Variants in DMD observed in about 807,000 individuals in gnomAD.
The protein encoded by DMD is mutant dystrophin.
Under a neutral mutation model 330.1 loss-of-function variants are expected in DMD, and 63 were observed. The observed-to-expected ratio is 0.19, with a 90% confidence interval of 0.16 to 0.24. The LOEUF is 0.24. Among genes scored for constraint, DMD ranks in the 10% least tolerant of loss-of-function variants. DMD has a pLI of 1.00. For synonymous variants in DMD, 1,223 were observed against 959.8 expected, an observed-to-expected ratio of 1.27 and a Z score of -5.07; for missense variants, 3,344 against 2,684.1, an observed-to-expected ratio of 1.25 and a Z score of -5.43.
chrX:32,340,747 G>A (rs1369307394), intron 41 of DMD, among the ~76,000 whole-genome samples: 2 of 111,749 alleles, frequency 1.8e-5, no homozygotes, highest in East Asian at 2.8e-4. Context: ...GCTTCATTTT[G>A]CATCTGCAGA....
intron 7 of DMD, among the ~76,000 whole-genome samples, chrX:32,715,286 GGCCAACATGGTAAAA>G (rs2065583697): frequency 9.1e-6 from 1 of 109,431 alleles, no homozygotes; most frequent in Non-Finnish European, 1.9e-5. Flanking sequence ...AGACCATCCT[GGCCAACATGGTAAAA>G]GCCAATCACT....
intron 17 of DMD, among the ~76,000 whole-genome samples, chrX:32,524,714 C>T (rs759759313): frequency 8.9e-6 from 1 of 112,106 alleles, no homozygotes; most frequent in African/African-American, 3.2e-5. Flanking sequence ...TCTGATAATT[C>T]AAATCAATTC....
At chrX:32,556,711 T>C (rs1186859472) in intron 16 of DMD, among the ~76,000 whole-genome samples, 3 of 111,906 alleles carry the variant, frequency 2.7e-5, no homozygotes, top group Non-Finnish European at 3.8e-5. Context: ...AACAGGCTAA[T>C]AAATTTTCCT....
chrX:32,327,247 C>A (rs909781506), intron 41 of DMD, among the ~76,000 whole-genome samples: 1 of 108,568 alleles, frequency 9.2e-6, no homozygotes, highest in African/African-American at 3.3e-5. Flanking sequence ...TTAATCAAAG[C>A]AAAATTTTTA....
chrX:32,975,191 T>G (rs1470897347), intron 2 of DMD, among the ~76,000 whole-genome samples: 2 of 110,636 alleles, frequency 1.8e-5, no homozygotes, highest in Admixed American at 2.0e-4. Context: ...TTTGCTTGTT[T>G]GCTTGCCCAA....
intron 34 of DMD, among the ~76,000 whole-genome samples, chrX:32,378,007 T>C (rs2097910658): frequency 9.0e-6 from 1 of 111,163 alleles, no homozygotes; most frequent in African/African-American, 3.3e-5. Context: ...AAAATAAACA[T>C]TCTTATTGTT....
intron 55 of DMD, among the ~76,000 whole-genome samples, chrX:31,587,790 G>T (rs1365481541): frequency 9.0e-6 from 1 of 111,462 alleles, no homozygotes; most frequent in Non-Finnish European, 1.9e-5. Context: ...ATTATCATTT[G>T]ACTGTAGATA....
At chrX:31,778,904 T>A (rs2090846857) in intron 50 of DMD, among the ~76,000 whole-genome samples, 1 of 112,015 alleles carries the variant, frequency 8.9e-6, no homozygotes, top group Admixed American at 9.5e-5. Flanking sequence ...TCACATTGAT[T>A]CTTACTGCAC....
At chrX:31,449,795 T>TATATATATATAG (rs1556643941) in intron 59 of DMD, among the ~76,000 whole-genome samples, 10 of 81,275 alleles carry the variant, frequency 1.2e-4, no homozygotes, top group East Asian at 4.0e-4. Flanking sequence ...TATATATATA[T>TATATATATATAG]ATAGATAGAT....
chrX:32,278,456 G>A (rs900223786), intron 43 of DMD, among the ~76,000 whole-genome samples: 1 of 110,708 alleles, frequency 9.0e-6, no homozygotes, highest in South Asian at 3.8e-4. Context: ...CTACAAAATG[G>A]GAGAAAATTT....
intron 2 of DMD, among the ~76,000 whole-genome samples, chrX:32,850,271 G>A (rs545262150): frequency 9.0e-6 from 1 of 111,612 alleles, no homozygotes; most frequent in African/African-American, 3.3e-5. Flanking sequence ...AAACATGCTT[G>A]CTGTGCATAC....
At chrX:31,216,484 C>T (rs1569475869) in intron 64 of DMD, among the ~76,000 whole-genome samples, 1 of 112,398 alleles carries the variant, frequency 8.9e-6, no homozygotes, top group Non-Finnish European at 1.9e-5. Context: ...ACGTCTTAAA[C>T]TCAGAACTAA....
intron 7 of DMD, among the ~76,000 whole-genome samples, chrX:32,713,833 T>C (rs1006718201): frequency 9.0e-6 from 1 of 111,725 alleles, no homozygotes; most frequent in Non-Finnish European, 1.9e-5. Flanking sequence ...AATAAACCCA[T>C]TGTCCATAGA....
intron 1 of DMD, among the ~76,000 whole-genome samples, chrX:33,048,719 G>T (rs1275241244): frequency 1.2e-4 from 8 of 67,493 alleles, no homozygotes; most frequent in Admixed American, 6.2e-4. Context: ...AAAAAAAAAA[G>T]GAGAGAGAGA....
At chrX:32,240,865 A>C (rs2097205993) in intron 43 of DMD, among the ~76,000 whole-genome samples, 1 of 111,410 alleles carries the variant, frequency 9.0e-6, no homozygotes, top group Admixed American at 9.5e-5. Flanking sequence ...TGAGCTGGGG[A>C]CATGAAATGT....
At chrX:32,742,800 G>A (rs1377596591) in intron 7 of DMD, among the ~76,000 whole-genome samples, 11 of 111,978 alleles carry the variant, frequency 9.8e-5, no homozygotes, top group Middle Eastern at 4.6e-3. Flanking sequence ...TAATCTTTTC[G>A]AAATTTTCAT....
At chrX:33,299,550 G>A (rs1193503153) in intron 1 of DMD, among the ~76,000 whole-genome samples, 1 of 111,506 alleles carries the variant, frequency 9.0e-6, no homozygotes, top group Non-Finnish European at 1.9e-5. Flanking sequence ...CTAGGTAGTT[G>A]CTTCAGTTCT....
At chrX:32,859,907 G>A (rs988313858) in intron 2 of DMD, among the ~76,000 whole-genome samples, 1 of 111,055 alleles carries the variant, frequency 9.0e-6, no homozygotes, top group African/African-American at 3.3e-5. Flanking sequence ...TCCTCCTTGG[G>A]CCAGGCGACC....
At chrX:32,287,383 G>C (rs752646465) in intron 43 of DMD, 146 bp downstream of exon 43, 82 of 510,364 alleles carry the variant, frequency 1.6e-4, no homozygotes, top group Admixed American at 6.9e-4. Context: ...ATCATTATTT[G>C]TTCTCATTTT....
Sources: allele counts gnomAD v4.1 joint callset (sites outside exome capture counted in the v4.1 genomes callset), GRCh38; gene constraint gnomAD v4.1.1; transcripts MANE v1.5; gene names NCBI Gene and HGNC (gene_info 2026-07-23, HGNC 2026-07-21).